The following LRRC31 variants were observed in gnomAD, a reference collection of about 807,000 sequenced individuals.
LRRC31 encodes leucine-rich repeat-containing protein 31.
Under a neutral mutation model 46.7 loss-of-function variants are expected in LRRC31, and 35 were observed. That is an observed-to-expected ratio of 0.75 (90% CI 0.57 to 0.99). The LOEUF is 0.99. LRRC31 is among the 50% of genes least tolerant of loss of function. The pLI, the probability that LRRC31 is intolerant of heterozygous loss-of-function variation, is 0.00. For synonymous variants in LRRC31, 236 were observed against 235.1 expected (o/e 1.00, Z -0.03); for missense variants, 613 against 626.1 (o/e 0.98, Z 0.22).
rs1306576388 is a variant in LRRC31 at position 169,861,659 on chromosome 3, T to C, written c.319+11A>G. ...CTATCTTCCTCTATGCAAAGTCTGC[T>C]GCATACAGACCCATTTCTTTCATGT... is the stretch of plus-strand genomic sequence containing the variant. On this transcript the variant is annotated intron_variant, in intron 2 of 8. Coordinates refer to ENST00000316428, the MANE Select transcript of LRRC31 (RefSeq NM_024727.4). The C allele has an allele frequency of 6.2e-7, 1 of 1,613,342 alleles. No homozygotes were observed. The highest frequency in any genetic ancestry group is 8.5e-7 in the Non-Finnish European group (1 of 1,179,780).
intron 1 of LRRC31, among the ~76,000 whole-genome samples, chr3:169,866,568 C>T (rs1204420619): frequency 6.6e-6 from 1 of 152,172 alleles, no homozygotes; most frequent in East Asian, 1.9e-4. Context: ...TAAAAACATA[C>T]TTAAAATACA....
At chr3:169,843,752 A>G (rs1452361151) in intron 8 of LRRC31, among the ~76,000 whole-genome samples, 1 of 152,228 alleles carries the variant, frequency 6.6e-6, no homozygotes, top group Admixed American at 6.5e-5. Flanking sequence ...TAGAAACACA[A>G]ATTATCAATA....
chr3:169,867,246 CTTTTTTTT>C (rs757102934), intron 1 of LRRC31, among the ~76,000 whole-genome samples: 1 of 78,782 alleles, frequency 1.3e-5, no homozygotes, highest in South Asian at 5.1e-4. Context: ...GAGATGGAGT[CTTTTTTTT>C]TTTTTTTTTT....
At chr3:169,856,987 C>G in intron 3 of LRRC31, 115 bp from the exon 4 acceptor site, 2 of 947,448 alleles carry the variant, frequency 2.1e-6, no homozygotes, top group Non-Finnish European at 3.0e-6. Context: ...CAGGTACTGT[C>G]CTGTTTGGCA....
intron 5 of LRRC31, 101 bp from the exon 6 acceptor site, chr3:169,855,081 C>T (rs964749780): frequency 1.7e-5 from 17 of 1,016,366 alleles, no homozygotes; most frequent in Admixed American, 4.3e-5. Context: ...GCTTGAGCCC[C>T]GGAGTTCGAG....
rs573283394 is a variant in LRRC31 at position 169,846,583 on chromosome 3, G to T, written c.1327+1537C>A. 2.5e-3 allele frequency among the ~76,000 whole-genome samples: 374 copies of T among 152,242 alleles called. 1 individual carries two copies. The highest frequency in any genetic ancestry group is 3.5e-3 in the Non-Finnish European group (236 of 68,006). ...GAATCTGTTGAACATGGCAGGCGGA[G>T]GTTGCAGTGAGCCAAGATCATGCTA... On this transcript the variant is annotated intron_variant, in intron 8 of 8. Coordinates refer to ENST00000316428, the MANE Select transcript of LRRC31 (RefSeq NM_024727.4).
In LRRC31 at chr3:169,869,622, C is replaced by T; in HGVS notation, c.175+11G>A. 6.4e-7 allele frequency: 1 copy of T among 1,561,690 alleles called. No homozygotes were observed. The highest frequency in any genetic ancestry group is 2.0e-5 in the Admixed American group (1 of 50,208). On this transcript the variant is annotated intron_variant, in intron 1 of 8. Coordinates refer to ENST00000316428, the MANE Select transcript of LRRC31 (RefSeq NM_024727.4). ...ATACAACAGCAAAAACACCAGCAGC[C>T]AGCAGCTTACCAGTCTCTGAGGTGG...
At chr3:169,851,149 C>T (rs768774580) in intron 7 of LRRC31, among the ~76,000 whole-genome samples, 10 of 152,226 alleles carry the variant, frequency 6.6e-5, no homozygotes, top group Non-Finnish European at 1.3e-4. Flanking sequence ...CCCAGATCCT[C>T]ACCATGTCCT....
chr3:169,869,930 A>C lies in LRRC31; in HGVS notation c.-123T>G. On this transcript the variant is annotated 5_prime_UTR_variant, in exon 1 of 9. It removes an upstream start codon present in the reference 5' UTR. Coordinates refer to ENST00000316428, the MANE Select transcript of LRRC31 (RefSeq NM_024727.4). The stretch of plus-strand genomic sequence containing the variant: ...GTTCAATCAAAATATCCTCCCCTAC[A>C]TGACTGCCCCCCACTCCCTGCCGCA... 2.7e-6 allele frequency: 2 copies of C among 743,238 alleles called. No homozygotes were observed. The highest frequency in any genetic ancestry group is 4.0e-6 in the Non-Finnish European group (2 of 496,850). 46.0% of individuals were successfully genotyped at this position (743,238 alleles called of 1,614,324 possible).
intron 3 of LRRC31, among the ~76,000 whole-genome samples, chr3:169,857,852 A>G (rs1781017365): frequency 6.6e-6 from 1 of 152,162 alleles, no homozygotes; most frequent in African/African-American, 2.4e-5. Context: ...ACCCCATGCT[A>G]AAATGCGTAT....
rs762763921 is a variant in LRRC31, at chr3:169,840,211, A to G, written c.1430T>C (p.Val477Ala). The change falls in exon 9 of 9, where the codon GTG becomes GCG. Residue 477 changes from valine (V) to alanine (A), a missense_variant. Physicochemically the swap from Val to Ala is moderately conservative, Grantham distance 64. Coordinates refer to ENST00000316428, the MANE Select transcript of LRRC31 (RefSeq NM_024727.4). Reference sequence around the variant, plus strand: ...CTCGATTAGCTCTTTGAGGAACCGCACGTTTTGGCAGAACATGGTCCACCC... The same window carrying G: ...CTCGATTAGCTCTTTGAGGAACCGCGCGTTTTGGCAGAACATGGTCCACCC... The part of the protein sequence containing the change: ...DAGWTMFCQN[V>A]RFLKELIELD... The G allele has an allele frequency of 2.5e-6, 4 of 1,613,996 alleles. No homozygotes were observed. Among genetic ancestry groups the G allele is most frequent in the East Asian group, 2.2e-5 (1 of 44,896 alleles).
chr3:169,848,987 C>A (rs1024926598), intron 7 of LRRC31, among the ~76,000 whole-genome samples: 6 of 152,186 alleles, frequency 3.9e-5, no homozygotes, highest in African/African-American at 1.4e-4. Flanking sequence ...CCCTCAGAGT[C>A]TGAAATACCA....
chr3:169,842,427 T>C (rs1428254385), intron 8 of LRRC31, among the ~76,000 whole-genome samples: 1 of 152,152 alleles, frequency 6.6e-6, no homozygotes, highest in Non-Finnish European at 1.5e-5. Context: ...CTCAGCTCAC[T>C]GCAACCTCCA....
intron 8 of LRRC31, among the ~76,000 whole-genome samples, chr3:169,847,758 T>C (rs1416819464): frequency 6.6e-6 from 1 of 152,076 alleles, no homozygotes; most frequent in Non-Finnish European, 1.5e-5. Flanking sequence ...AATTAAAGAG[T>C]CAATTTAAAG....
chr3:169,861,070 CTTT>C (rs11337221), intron 2 of LRRC31, among the ~76,000 whole-genome samples: 1 of 124,986 alleles, frequency 8.0e-6, no homozygotes, highest in Admixed American at 8.5e-5. Context: ...TTTTCTTTTC[CTTT>C]TTTTTTTTTT....
chr3:169,850,881 C>G (rs1780740155), intron 7 of LRRC31, among the ~76,000 whole-genome samples: 1 of 152,100 alleles, frequency 6.6e-6, no homozygotes, highest in Non-Finnish European at 1.5e-5. Context: ...TTTTCCAAAT[C>G]CATCACCCAG....
chr3:169,846,708 T>C (rs1780615661), intron 8 of LRRC31, among the ~76,000 whole-genome samples: 1 of 151,470 alleles, frequency 6.6e-6, no homozygotes, highest in South Asian at 2.1e-4. Context: ...AACCCTCATC[T>C]CTCCACACAC....
intron 1 of LRRC31, among the ~76,000 whole-genome samples, chr3:169,869,081 C>T (rs1418323555): frequency 6.6e-6 from 1 of 150,436 alleles, no homozygotes; most frequent in African/African-American, 2.4e-5. Context: ...TTAAAAATAA[C>T]TAAAAGAGGC....
intron 1 of LRRC31, among the ~76,000 whole-genome samples, chr3:169,862,795 A>G (rs1781210054): frequency 2.0e-5 from 3 of 152,170 alleles, no homozygotes; most frequent in Non-Finnish European, 4.4e-5. Flanking sequence ...AGATAGCACT[A>G]TAATAATAAA....
Sources: allele counts gnomAD v4.1 joint callset (sites outside exome capture counted in the v4.1 genomes callset), GRCh38; gene constraint gnomAD v4.1.1; transcripts MANE v1.5; gene names NCBI Gene and HGNC (gene_info 2026-07-23, HGNC 2026-07-21).